The following MARK4 variants were observed in gnomAD, a reference collection of about 807,000 sequenced individuals.
MARK4 encodes the protein MAP/microtubule affinity-regulating kinase 4.
In MARK4, 19 loss-of-function variants were observed where a neutral mutation model predicts 81.5. That is an observed-to-expected ratio of 0.23 (90% confidence interval 0.16 to 0.34). The LOEUF is 0.34. Ranked by LOEUF, MARK4 falls within the 10% of genes least tolerant of loss-of-function variation. The probability of loss-of-function intolerance (pLI) is 1.00; values close to 1 mark genes in which losing one functional copy is unlikely to be tolerated. For missense variants in MARK4, 772 were observed against 1,058.8 expected (o/e 0.73, Z 3.76); for synonymous variants, 436 against 439.0 (o/e 0.99, Z 0.08).
chr19:45,252,827 G>A (rs143816136), intron 1 of MARK4, among the ~76,000 whole-genome samples: 3 of 152,184 alleles, frequency 2.0e-5, no homozygotes, highest in Non-Finnish European at 2.9e-5. Flanking sequence ...TGCCCAAGAA[G>A]TTCCTACCCC....
At chr19:45,257,035 C>T (rs1036852027) in intron 1 of MARK4, among the ~76,000 whole-genome samples, 45 of 151,964 alleles carry the variant, frequency 3.0e-4, no homozygotes, top group Admixed American at 1.8e-3. Context: ...CTCACTGCAG[C>T]CTTAACCTCC....
At chr19:45,295,028 G>C (rs1970868368) in intron 14 of MARK4, among the ~76,000 whole-genome samples, 2 of 152,116 alleles carry the variant, frequency 1.3e-5, no homozygotes, top group Non-Finnish European at 2.9e-5. Context: ...TTCCCACTGG[G>C]TGTGGGCAGA....
chr19:45,275,124 G>A (rs1352257390), intron 8 of MARK4, among the ~76,000 whole-genome samples: 2 of 152,138 alleles, frequency 1.3e-5, no homozygotes, highest in African/African-American at 2.4e-5. Flanking sequence ...AGCCAGGCGT[G>A]GCGGCACGTG....
At chr19:45,283,825 G>A (rs940492167) in intron 12 of MARK4, among the ~76,000 whole-genome samples, 22 of 152,076 alleles carry the variant, frequency 1.4e-4, no homozygotes, top group Non-Finnish European at 2.9e-4. Context: ...TCTGGTAACT[G>A]TGTGTTTAAT....
Position 45,297,996 on chromosome 19 carries a change from G to A in MARK4, c.1877+42G>A, listed in dbSNP as rs753278358. ...TGGCAGGGGCAGGGCGGGGCGGGGG[G>A]CCGATGGGACCTAACCTGTCTTCCA... On this transcript the variant is annotated intron_variant, in intron 15 of 16. Transcript: ENST00000262891. The A allele has an allele frequency of 2.6e-6, 4 of 1,548,866 alleles. No homozygotes were observed. In the South Asian group the frequency reaches 3.6e-5, roughly 14 times the overall value.
In MARK4 at chr19:45,294,420, C is replaced by T. The variant is rs543162161; in HGVS notation, c.1566C>T (p.Arg522=). 8.7e-6 allele frequency: 14 copies of T among 1,614,120 alleles called. No homozygotes were observed. Among genetic ancestry groups the T allele is most frequent in the African/African-American group, 4.0e-5 (3 of 75,018 alleles). The change falls in exon 14 of 17, where the codon CGC becomes CGT. Residue 522 remains arginine, a synonymous_variant. Coordinates refer to ENST00000262891, the MANE Select transcript of MARK4 (RefSeq NM_001199867.2). ...YVCTERPGAE[R]PSLLPNGKEN... is the part of the protein sequence containing the mutation. ...GCACAGAACGCCCGGGGGCTGAGCG[C>T]CCGTCACTGTTGCCAAATGGGAAAG...
At chr19:45,298,104 C>T (rs759020180) in intron 15 of MARK4, 150 bp downstream of exon 15, 9 of 1,604,464 alleles carry the variant, frequency 5.6e-6, no homozygotes, top group South Asian at 4.4e-5. Context: ...CTCCTTTCCT[C>T]CTCCCCTGTC....
At chr19:45,282,428 A>G (rs1170176086) in intron 12 of MARK4, among the ~76,000 whole-genome samples, 1 of 151,758 alleles carries the variant, frequency 6.6e-6, no homozygotes, top group African/African-American at 2.4e-5. Context: ...ATGGTGGCTC[A>G]CGCCTGTAAT....
intron 15 of MARK4, 31 bp downstream of exon 15, chr19:45,297,985 C>T (rs992395805): frequency 3.2e-5 from 20 of 616,512 alleles, no homozygotes; most frequent in Non-Finnish European, 4.2e-5. Context: ...AGGGGCAGGG[C>T]GGGGCGGGGG....
chr19:45,263,617 C>CACCA (rs1419031901), intron 4 of MARK4, among the ~76,000 whole-genome samples: 1 of 151,994 alleles, frequency 6.6e-6, no homozygotes, highest in Non-Finnish European at 1.5e-5. Context: ...TGGCGGGCGC[C>CACCA]TGTAATCCCA....
intron 2 of MARK4, among the ~76,000 whole-genome samples, chr19:45,262,797 C>A (rs1970396316): frequency 6.6e-6 from 1 of 152,188 alleles, no homozygotes; most frequent in Non-Finnish European, 1.5e-5. Flanking sequence ...CCAGGGTGAT[C>A]TGAGCTGGGC....
At chr19:45,256,404 T>TC (rs1970308483) in intron 1 of MARK4, among the ~76,000 whole-genome samples, 1 of 152,142 alleles carries the variant, frequency 6.6e-6, no homozygotes, top group South Asian at 2.1e-4. Flanking sequence ...GCCACTGCAC[T>TC]CCAGCTTGGG....
At chr19:45,275,376 T>C (rs1970584907) in intron 8 of MARK4, among the ~76,000 whole-genome samples, 1 of 152,170 alleles carries the variant, frequency 6.6e-6, no homozygotes, top group African/African-American at 2.4e-5. Flanking sequence ...TCCCAGCTAC[T>C]TGGGATGCTG....
chr19:45,269,830 A>G (rs148437740), intron 7 of MARK4, among the ~76,000 whole-genome samples: 1 of 152,234 alleles, frequency 6.6e-6, no homozygotes, highest in East Asian at 1.9e-4. Flanking sequence ...AAACTTTATA[A>G]CAATACAAAA....
At chr19:45,294,230 TG>T in intron 13 of MARK4, 118 bp from the exon 14 acceptor site, 1 of 878,374 alleles carries the variant, frequency 1.1e-6, no homozygotes, top group Non-Finnish European at 1.8e-6. Flanking sequence ...CTACTCACCC[TG>T]GGTTCCCACA....
intron 7 of MARK4, among the ~76,000 whole-genome samples, chr19:45,269,042 CT>C (rs1226534457): frequency 1.3e-5 from 2 of 152,146 alleles, no homozygotes; most frequent in Admixed American, 1.3e-4. Flanking sequence ...ACCCATGTGA[CT>C]TTGGGGCTGG....
chr19:45,270,234 A>T (rs1311250958), intron 7 of MARK4, among the ~76,000 whole-genome samples: 1 of 152,138 alleles, frequency 6.6e-6, no homozygotes, highest in Non-Finnish European at 1.5e-5. Context: ...CCCTCAGTTT[A>T]CATACAAGGA....
Position 45,271,816 on chromosome 19 carries a change from TTC to T in MARK4, c.786+111_786+112del. On this transcript the variant is annotated intron_variant, in intron 8 of 16. Transcript: ENST00000262891. The surrounding 1 kb of genome is among the most constrained non-coding windows in gnomAD (Gnocchi z 4.1). ...GCCTCAGTGGTGGGACTGGCCTGAG[TTC>T]TCATGGGAAGATGGGGGATGGGCAG... The T allele has an allele frequency of 9.4e-7, 1 of 1,068,528 alleles. No individual in the cohort carries two copies. 66.2% of individuals were successfully genotyped at this position (1,068,528 alleles called of 1,614,324 possible). A position where few individuals can be genotyped will look rare whatever the true frequency, so the allele number is the denominator to read the frequency against.
At chr19:45,260,530 G>A in intron 2 of MARK4, among the ~76,000 whole-genome samples, 1 of 149,018 alleles carries the variant, frequency 6.7e-6, no homozygotes, top group South Asian at 2.1e-4. Context: ...CATCTTTACT[G>A]AAAAAAAAAT....
Sources: gnomAD v4.1 joint callset for allele counts (sites outside exome capture counted in the v4.1 genomes callset) on GRCh38, gnomAD v4.1.1 for gene constraint, Gnocchi (gnomAD v3.1) non-coding constraint, MANE v1.5 for transcripts, NCBI Gene and HGNC (gene_info 2026-07-23, HGNC 2026-07-21) for gene names.